GALNT13: variants seen among roughly 807,000 people sequenced by gnomAD.
GALNT13 encodes polypeptide N-acetylgalactosaminyltransferase 13.
A neutral mutation model predicts 64.2 loss-of-function variants in GALNT13; 28 were observed. That is an observed-to-expected ratio of 0.44 (90% CI 0.32 to 0.60). The LOEUF (loss-of-function observed/expected upper bound fraction) is 0.60, where lower values mean the gene tolerates loss of function less well. Among genes scored for constraint, GALNT13 ranks in the 20% least tolerant of loss-of-function variants. The pLI, the probability that GALNT13 is intolerant of heterozygous loss-of-function variation, is 0.05. For missense variants in GALNT13, 577 were observed against 669.8 expected (o/e 0.86, Z 1.53); for synonymous variants, 214 against 224.6 (o/e 0.95, Z 0.42).
chr2:153,312,319 G>A, the GALNT13 span, among the ~76,000 whole-genome samples: 304 of 152,294 alleles, frequency 2.0e-3, 1 homozygote, highest in African/African-American at 6.6e-3. Context: ...CACGGGGGAT[G>A]CTTCCATTAG....
chr2:154,430,241 A>T (rs1466263390), intron 11 of GALNT13, among the ~76,000 whole-genome samples: 1 of 152,220 alleles, frequency 6.6e-6, no homozygotes, highest in East Asian at 1.9e-4. Context: ...CTTTATGGAA[A>T]GTATTCACAA....
chr2:154,336,146 G>A (rs757179131), intron 9 of GALNT13, among the ~76,000 whole-genome samples: 45 of 152,080 alleles, frequency 3.0e-4, no homozygotes, highest in Middle Eastern at 3.2e-3. Flanking sequence ...ACACCTACAA[G>A]TCTAGTTGAT....
At chr2:153,195,931 C>T in the GALNT13 span, among the ~76,000 whole-genome samples, 2 of 152,244 alleles carry the variant, frequency 1.3e-5, no homozygotes, top group South Asian at 4.1e-4. Context: ...GAGGGTAGCT[C>T]CTCTCTGCAT....
At chr2:154,113,862 G>A (rs1703126464) in intron 3 of GALNT13, among the ~76,000 whole-genome samples, 1 of 152,224 alleles carries the variant, frequency 6.6e-6, no homozygotes. Flanking sequence ...CTTCTGGTGG[G>A]CCTTATGGAC....
chr2:153,452,477 C>CA, the GALNT13 span, among the ~76,000 whole-genome samples: 18 of 148,464 alleles, frequency 1.2e-4, no homozygotes, highest in African/African-American at 2.2e-4. Context: ...GACTCTATCT[C>CA]AAAAAAAAGA....
chr2:153,514,685 C>T, the GALNT13 span, among the ~76,000 whole-genome samples: 26,582 of 152,054 alleles, frequency 0.17, 2,707 homozygotes, highest in Admixed American at 0.3. Context: ...TATCCAGGTG[C>T]TACCATTCAT....
At chr2:153,819,441 C>A in the GALNT13 span, among the ~76,000 whole-genome samples, 1 of 152,142 alleles carries the variant, frequency 6.6e-6, no homozygotes, top group Non-Finnish European at 1.5e-5. Flanking sequence ...GTGCAGCTCC[C>A]TCACTCCCAC....
intron 3 of GALNT13, among the ~76,000 whole-genome samples, chr2:154,065,071 G>A (rs1700390816): frequency 6.6e-6 from 1 of 152,092 alleles, no homozygotes; most frequent in South Asian, 2.1e-4. Flanking sequence ...GGCTTTCAGT[G>A]AACATTGCTG....
the GALNT13 span, among the ~76,000 whole-genome samples, chr2:153,542,689 A>G: frequency 6.6e-6 from 1 of 152,144 alleles, no homozygotes; most frequent in Admixed American, 6.5e-5. Flanking sequence ...TGGCTAAACA[A>G]CCCTATCAAG....
chr2:153,899,839 G>T (rs947069277), intron 1 of GALNT13, among the ~76,000 whole-genome samples: 2 of 151,086 alleles, frequency 1.3e-5, no homozygotes, highest in Non-Finnish European at 2.9e-5. Context: ...GTACTTAAGG[G>T]GATTTTTATT....
At chr2:153,753,637 G>A in the GALNT13 span, among the ~76,000 whole-genome samples, 4 of 152,242 alleles carry the variant, frequency 2.6e-5, no homozygotes, top group South Asian at 8.3e-4. Context: ...CCTGGGGGGT[G>A]GAATGACACG....
intron 3 of GALNT13, among the ~76,000 whole-genome samples, chr2:154,013,675 C>A (rs186196400): frequency 1.3e-5 from 2 of 152,084 alleles, no homozygotes; most frequent in Non-Finnish European, 2.9e-5. Flanking sequence ...CACCGCTGTG[C>A]GGTGGGCTGC....
the GALNT13 span, among the ~76,000 whole-genome samples, chr2:153,522,009 T>C: frequency 6.6e-6 from 1 of 152,150 alleles, no homozygotes; most frequent in South Asian, 2.1e-4. Flanking sequence ...AACATCTGTA[T>C]GCATTTTTTT....
the GALNT13 span, among the ~76,000 whole-genome samples, chr2:153,223,481 G>A: frequency 2.6e-5 from 4 of 152,140 alleles, no homozygotes; most frequent in Non-Finnish European, 1.5e-5. Context: ...TACGAAGTAT[G>A]TTATGATACC....
At chr2:153,767,361 A>G in the GALNT13 span, among the ~76,000 whole-genome samples, 1 of 152,122 alleles carries the variant, frequency 6.6e-6, no homozygotes, top group African/African-American at 2.4e-5. Context: ...TTTGATGGAC[A>G]CTTAGTTGGC....
chr2:154,336,848 A>C (rs189654028), intron 9 of GALNT13, among the ~76,000 whole-genome samples: 1 of 152,112 alleles, frequency 6.6e-6, no homozygotes, highest in Non-Finnish European at 1.5e-5. Flanking sequence ...CTTGACTACA[A>C]GGTCCTTTTG....
chr2:153,270,563 A>G, the GALNT13 span, among the ~76,000 whole-genome samples: 1 of 152,206 alleles, frequency 6.6e-6, no homozygotes, highest in Non-Finnish European at 1.5e-5. Flanking sequence ...TTTAAGCTGT[A>G]AAAACATACA....
chr2:153,763,848 G>A, the GALNT13 span, among the ~76,000 whole-genome samples: 1 of 150,784 alleles, frequency 6.6e-6, no homozygotes, highest in Non-Finnish European at 1.5e-5. Flanking sequence ...GACTTGGAGG[G>A]GTCAGAAGAG....
At chr2:154,429,645 G>C (rs1481361068) in intron 11 of GALNT13, among the ~76,000 whole-genome samples, 1 of 152,194 alleles carries the variant, frequency 6.6e-6, no homozygotes, top group Non-Finnish European at 1.5e-5. Context: ...TGATAAATGT[G>C]AATACAGTAA....
Sources: gnomAD v4.1 joint callset for allele counts (sites outside exome capture counted in the v4.1 genomes callset) on GRCh38, gnomAD v4.1.1 for gene constraint, MANE v1.5 for transcripts, NCBI Gene and HGNC (gene_info 2026-07-23, HGNC 2026-07-21) for gene names.